Variants in MMP16 observed in about 807,000 individuals in gnomAD.
MMP16 encodes matrix metallopeptidase 16.
In MMP16, 12 loss-of-function variants were observed where a neutral mutation model predicts 67.8. That is an observed-to-expected ratio of 0.18 (90% CI 0.11 to 0.29). MMP16 has a LOEUF of 0.29. Among genes scored for constraint, MMP16 ranks in the 10% least tolerant of loss-of-function variants. MMP16 has a pLI of 1.00. For missense variants in MMP16, 475 were observed against 765.7 expected (o/e 0.62, Z 4.48); for synonymous variants, 249 against 255.9 (o/e 0.97, Z 0.26).
At chr8:88,150,732 C>A (rs1260966642) in intron 4 of MMP16, among the ~76,000 whole-genome samples, 188 of 146,574 alleles carry the variant, frequency 1.3e-3, no homozygotes, top group Non-Finnish European at 1.8e-3. Flanking sequence ...TGGAAAGGAA[C>A]AACCGGTACC....
chr8:88,219,441 G>T (rs1006972136), intron 1 of MMP16, among the ~76,000 whole-genome samples: 4 of 152,042 alleles, frequency 2.6e-5, no homozygotes, highest in Non-Finnish European at 5.9e-5. Context: ...AGAGAGCCAA[G>T]AAATGTTACA....
At chr8:88,057,482 C>A (rs1808346160) in intron 7 of MMP16, among the ~76,000 whole-genome samples, 2 of 152,172 alleles carry the variant, frequency 1.3e-5, no homozygotes, top group African/African-American at 4.8e-5. Context: ...AAACATTCTA[C>A]AATCCAGCAT....
At chr8:88,233,383 C>T (rs891754238) in intron 1 of MMP16, among the ~76,000 whole-genome samples, 3 of 152,236 alleles carry the variant, frequency 2.0e-5, no homozygotes, top group Non-Finnish European at 4.4e-5. Context: ...AAACCAGATA[C>T]CTTGCCCTTC....
At chr8:88,155,436 T>C (rs947710921) in intron 4 of MMP16, among the ~76,000 whole-genome samples, 3 of 152,124 alleles carry the variant, frequency 2.0e-5, no homozygotes, top group African/African-American at 4.8e-5. Context: ...ACAGGATATA[T>C]GTATTTATGG....
At chr8:88,261,227 G>A (rs757604940) in intron 1 of MMP16, among the ~76,000 whole-genome samples, 23 of 152,028 alleles carry the variant, frequency 1.5e-4, no homozygotes, top group Non-Finnish European at 2.9e-4. Context: ...CCAAGAGTAG[G>A]TAGTTACGCA....
intron 4 of MMP16, among the ~76,000 whole-genome samples, chr8:88,132,161 C>T (rs1275852281): frequency 6.6e-6 from 1 of 151,682 alleles, no homozygotes; most frequent in Non-Finnish European, 1.5e-5. Context: ...TTAAATTACT[C>T]GTACATCCCT....
At chr8:88,221,553 C>G (rs984161559) in intron 1 of MMP16, among the ~76,000 whole-genome samples, 1 of 151,450 alleles carries the variant, frequency 6.6e-6, no homozygotes, top group African/African-American at 2.4e-5. Context: ...AATAATAACC[C>G]CAGAGAGAAG....
chr8:88,177,626 T>C (rs1808913805), intron 3 of MMP16, among the ~76,000 whole-genome samples: 1 of 152,188 alleles, frequency 6.6e-6, no homozygotes, highest in Non-Finnish European at 1.5e-5. Flanking sequence ...TTTGAAATAA[T>C]GCCATGAGTA....
At chr8:88,061,664 T>C (rs1196441022) in intron 7 of MMP16, among the ~76,000 whole-genome samples, 1 of 152,088 alleles carries the variant, frequency 6.6e-6, no homozygotes, top group Non-Finnish European at 1.5e-5. Context: ...AGTCCCGGTG[T>C]CTCAGTAGAG....
chr8:88,244,207 G>T (rs138911386), intron 1 of MMP16, among the ~76,000 whole-genome samples: 10 of 152,138 alleles, frequency 6.6e-5, no homozygotes, highest in African/African-American at 1.7e-4. Context: ...CTCCTCGGCC[G>T]ACTTACTTTT....
chr8:88,058,693 A>G lies in MMP16; in HGVS notation c.1223-2415T>C, dbSNP rs1008897642. Among the ~76,000 whole-genome samples, 2 of 152,158 alleles carry G rather than the reference A, an allele frequency of 1.3e-5. No homozygotes were observed. Among genetic ancestry groups the G allele is most frequent in the Non-Finnish European group, 2.9e-5 (2 of 68,004 alleles). ...GTTTGAGGTAAAAGAAACATAAAGA[A>G]TAAATGCCATAATGGGAAGAAGCTT... On this transcript the variant is annotated intron_variant, in intron 7 of 9. Coordinates refer to ENST00000286614, the MANE Select transcript of MMP16 (RefSeq NM_005941.5). This position sits in a 1 kb window ranked among gnomAD's most constrained non-coding sequence, Gnocchi z 4.2.
intron 1 of MMP16, among the ~76,000 whole-genome samples, chr8:88,284,699 G>A (rs1026103369): frequency 1.3e-4 from 20 of 152,072 alleles, no homozygotes; most frequent in African/African-American, 4.8e-4. Context: ...GTACACATTC[G>A]GCCTCTTTCT....
chr8:88,046,532 A>G, intron 9 of MMP16, 137 bp downstream of exon 9: 1 of 406,612 alleles, frequency 2.5e-6, no homozygotes, highest in East Asian at 3.8e-5. Context: ...TAGGAAAAAA[A>G]GTTCATATAA....
intron 6 of MMP16, among the ~76,000 whole-genome samples, chr8:88,081,946 C>G (rs945209224): frequency 4.0e-5 from 6 of 151,782 alleles, no homozygotes; most frequent in Admixed American, 1.3e-4. Flanking sequence ...TTGGTTGTGA[C>G]CAATAAATTT....
intron 1 of MMP16, among the ~76,000 whole-genome samples, chr8:88,210,185 T>C (rs567382925): frequency 1.3e-5 from 2 of 152,300 alleles, no homozygotes; most frequent in African/African-American, 4.8e-5. Context: ...CACTTTTTTA[T>C]AGCAGCCTGA....
chr8:88,327,081 A>G lies in MMP16; in HGVS notation c.126T>C (p.Asn42=), dbSNP rs749682835. ...ATVCGTEQYF[N]VEVWLQKYGY... ...AAAGCCCTCGCACTCTTACCTCCACATTGAAATACTGCTCCGTTCCGCAGA... is the reference window on the plus strand; with the variant it reads ...AAAGCCCTCGCACTCTTACCTCCACGTTGAAATACTGCTCCGTTCCGCAGA... Residue 42 remains asparagine, a synonymous_variant, in exon 1 of 10, where the codon AAT becomes AAC. Transcript: ENST00000286614. The G allele has an allele frequency of 2.5e-6, 4 of 1,614,020 alleles. No individual in the cohort carries two copies. The highest frequency in any genetic ancestry group is 3.4e-6 in the Non-Finnish European group (4 of 1,179,944).
chr8:88,260,881 T>A (rs990421127), intron 1 of MMP16, among the ~76,000 whole-genome samples: 2 of 152,192 alleles, frequency 1.3e-5, no homozygotes, highest in African/African-American at 4.8e-5. Flanking sequence ...TTTAGAGAAG[T>A]AAATTGTTTC....
chr8:88,309,390 A>T (rs574313771), intron 1 of MMP16, among the ~76,000 whole-genome samples: 1 of 151,588 alleles, frequency 6.6e-6, no homozygotes, highest in East Asian at 1.9e-4. Flanking sequence ...ATGCATTTTT[A>T]TGGGAAGGAA....
At chr8:88,262,893 C>T (rs766811444) in intron 1 of MMP16, among the ~76,000 whole-genome samples, 30 of 141,184 alleles carry the variant, frequency 2.1e-4, no homozygotes, top group African/African-American at 7.3e-4. Flanking sequence ...AGCGTGGTAG[C>T]GGGTGCCTGT....
Sources: allele counts gnomAD v4.1 joint callset (sites outside exome capture counted in the v4.1 genomes callset), GRCh38; gene constraint gnomAD v4.1.1; non-coding constraint Gnocchi (gnomAD v3.1); transcripts MANE v1.5; gene names NCBI Gene and HGNC (gene_info 2026-07-23, HGNC 2026-07-21).